Variants in TSC22D1 observed in about 807,000 individuals in gnomAD.
TSC22D1 encodes TSC22 domain family member 1.
Under a neutral mutation model 74.2 loss-of-function variants are expected in TSC22D1, and 9 were observed. The observed-to-expected ratio is 0.12, with a 90% CI of 0.07 to 0.21. The LOEUF is 0.21. Among genes scored for constraint, TSC22D1 ranks in the 10% least tolerant of loss-of-function variants. The pLI is 1.00. For synonymous variants in TSC22D1, 586 were observed against 492.5 expected (o/e 1.19, Z -2.51); for missense variants, 1,427 against 1,304.7 (o/e 1.09, Z -1.44).
rs781517442 is a variant in TSC22D1, at chr13:44,434,633, G to T, written c.3215C>A (p.Thr1072Asn). Reference protein sequence around the residue: ...AQPASQGSGPTA With the variant: ...AQPASQGSGPNA The stretch of plus-strand genomic sequence containing the variant: ...CTGCGGGGGCATAGGCAGCTATGCG[G>T]TTGGTCCTGAGCCCTGCGATGCTGG... Residue 1072 changes from threonine to asparagine, a missense_variant, in exon 3 of 3, where the codon ACC (threonine) becomes AAC (asparagine). This residue lies in a region of TSC22D1 where 63 missense variants were observed against 50.5 expected (regional missense o/e 1.25). Coordinates refer to ENST00000458659, the MANE Select transcript of TSC22D1 (RefSeq NM_183422.4). The T allele has an allele frequency of 6.5e-7, 1 of 1,536,864 alleles. No individual in the cohort carries two copies. The highest frequency in any genetic ancestry group is 2.1e-5 in the Admixed American group (1 of 47,118).
rs1034892811 is a variant in TSC22D1, at chr13:44,432,620, G to C, written c.*2006C>G. 10 of 152,048 alleles carry C rather than the reference G, an allele frequency of 6.6e-5. 1 individual carries two copies. Among genetic ancestry groups the C allele is most frequent in the African/African-American group, 2.4e-4 (10 of 41,396 alleles). The allele number at this position is 152,048 out of a possible 1,614,324, so 9.4% of individuals were successfully genotyped here. On this transcript the variant is annotated 3_prime_UTR_variant, in exon 3 of 3. Transcript: ENST00000458659. ...CACGCTATCGAACAATTCTTTTTAG[G>C]GATCTTGGATGTCCCATTCACCTCT... is the stretch of plus-strand genomic sequence containing the variant.
At chr13:44,484,930 GA>G (rs1196572719) in intron 1 of TSC22D1, among the ~76,000 whole-genome samples, 3 of 152,132 alleles carry the variant, frequency 2.0e-5, no homozygotes, top group Non-Finnish European at 4.4e-5. Context: ...TATAACTCAG[GA>G]AGTCACTTAA....
chr13:44,497,093 CACT>C (rs1421484264), intron 1 of TSC22D1, among the ~76,000 whole-genome samples: 2 of 152,108 alleles, frequency 1.3e-5, no homozygotes, highest in Admixed American at 1.3e-4. Context: ...GGTAGTAAGA[CACT>C]ACCTGTTCTA....
Position 44,573,471 on chromosome 13 carries a change from C to T in TSC22D1, c.2604G>A (p.Leu868=), listed in dbSNP as rs768100093. Residue 868 remains leucine, a synonymous_variant, in exon 1 of 3, where the codon TTG becomes TTA. Coordinates refer to ENST00000458659, the MANE Select transcript of TSC22D1 (RefSeq NM_183422.4). ...AQTPATQNGN[L]VQSVSQPPLI... is the part of the protein sequence containing the mutation. The stretch of plus-strand genomic sequence containing the variant: ...AGGGAGGTTGACTAACACTTTGAAC[C>T]AAATTACCATTTTGGGTAGCAGGGG... The T allele has an allele frequency of 1.9e-6, 3 of 1,614,184 alleles. No individual in the cohort carries two copies. The African/African-American group carries it at 4.0e-5, about 22-fold the overall frequency.
At chr13:44,563,028 C>T (rs1883147551) in intron 1 of TSC22D1, among the ~76,000 whole-genome samples, 2 of 151,518 alleles carry the variant, frequency 1.3e-5, no homozygotes, top group East Asian at 1.9e-4. Flanking sequence ...TCGATGAACC[C>T]GCGAGGGGAA....
rs777046750 is a variant in TSC22D1, at chr13:44,575,400, C to A, written c.675G>T (p.Gln225His). 6.2e-7 allele frequency: 1 copy of A among 1,613,832 alleles called. No homozygotes were observed. Among genetic ancestry groups the A allele is most frequent in the East Asian group, 2.2e-5 (1 of 44,878 alleles). The change falls in exon 1 of 3, where the codon CAG (glutamine) becomes CAT (histidine). Residue 225 changes from glutamine (Q) to histidine (H), a missense_variant. Gln to His is a conservative substitution (Grantham distance 24, BLOSUM62 0). Transcript: ENST00000458659. The part of the protein sequence containing the change: ...AHPHHLHHHH[Q>H]IHHGHHLQHG... Reference sequence around the variant, plus strand: ...GTTGGAGGTGGTGCCCATGATGAATCTGATGGTGGTGATGGAGGTGGTGTG... The same window carrying A: ...GTTGGAGGTGGTGCCCATGATGAATATGATGGTGGTGATGGAGGTGGTGTG...
At chr13:44,525,543 C>T (rs774171581) in intron 1 of TSC22D1, among the ~76,000 whole-genome samples, 2 of 152,108 alleles carry the variant, frequency 1.3e-5, no homozygotes, top group African/African-American at 4.8e-5. Context: ...AAGCCATGAT[C>T]GTGCCACTGC....
intron 1 of TSC22D1, among the ~76,000 whole-genome samples, chr13:44,517,310 C>T (rs188632215): frequency 4.0e-5 from 6 of 149,122 alleles, no homozygotes; most frequent in Admixed American, 2.0e-4. Context: ...TAGTAACCAT[C>T]GTTACCGTAA....
intron 1 of TSC22D1, among the ~76,000 whole-genome samples, chr13:44,457,015 T>C (rs1876695602): frequency 6.6e-6 from 1 of 152,232 alleles, no homozygotes; most frequent in South Asian, 2.1e-4. Context: ...ACAGAGCCTA[T>C]CAAGTACAAT....
intron 1 of TSC22D1, among the ~76,000 whole-genome samples, chr13:44,466,231 G>T (rs1036270229): frequency 6.6e-6 from 1 of 152,188 alleles, no homozygotes; most frequent in African/African-American, 2.4e-5. Flanking sequence ...AGGGGTATAG[G>T]GAGAGGGTGG....
intron 1 of TSC22D1, among the ~76,000 whole-genome samples, chr13:44,490,736 A>G (rs1166863772): frequency 6.6e-6 from 1 of 151,914 alleles, no homozygotes; most frequent in African/African-American, 2.4e-5. Flanking sequence ...CGTCTCTACT[A>G]AAAATACAAA....
intron 1 of TSC22D1, among the ~76,000 whole-genome samples, chr13:44,534,299 A>C (rs1881023145): frequency 6.7e-6 from 1 of 149,434 alleles, no homozygotes; most frequent in Non-Finnish European, 1.5e-5. Context: ...CGAGAGGATC[A>C]CTTGGTGAAC....
intron 1 of TSC22D1, among the ~76,000 whole-genome samples, chr13:44,455,220 T>C (rs1332768092): frequency 6.6e-6 from 1 of 152,186 alleles, no homozygotes; most frequent in Non-Finnish European, 1.5e-5. Context: ...AAATGAGTTT[T>C]GAGTAAAGAC....
chr13:44,574,145 G>A lies in TSC22D1; in HGVS notation c.1930C>T (p.His644Tyr). ...PMVSTQMAPGHVKSVTQNPAS... is the reference protein window; with the variant it reads ...PMVSTQMAPGYVKSVTQNPAS... ...GGATTTTGAGTCACTGATTTGACAT[G>A]GCCTGGGGCCATCTGTGTAGAAACC... The change falls in exon 1 of 3, where the codon CAT becomes TAT. Residue 644 changes from histidine (H) to tyrosine (Y), a missense_variant. His to Tyr is a moderately conservative substitution (Grantham distance 83). Transcript: ENST00000458659. 1 of 1,614,236 alleles carries A rather than the reference G, an allele frequency of 6.2e-7. No individual in the cohort carries two copies. Among genetic ancestry groups the A allele is most frequent in the Non-Finnish European group, 8.5e-7 (1 of 1,180,020 alleles).
chr13:44,553,408 T>C (rs1343455532), intron 1 of TSC22D1, among the ~76,000 whole-genome samples: 2 of 152,196 alleles, frequency 1.3e-5, no homozygotes, highest in Non-Finnish European at 2.9e-5. Flanking sequence ...TTTATAGATT[T>C]CAAAATCCAG....
At chr13:44,481,126 C>T (rs888194825) in intron 1 of TSC22D1, among the ~76,000 whole-genome samples, 28 of 152,242 alleles carry the variant, frequency 1.8e-4, no homozygotes, top group African/African-American at 6.7e-4. Flanking sequence ...GAGACTGGTG[C>T]ACTGGAGCCA....
chr13:44,532,085 T>C (rs998717237), intron 1 of TSC22D1, among the ~76,000 whole-genome samples: 1 of 152,222 alleles, frequency 6.6e-6, no homozygotes, highest in African/African-American at 2.4e-5. Context: ...TAATATACAA[T>C]TTAAAGTCAG....
intron 1 of TSC22D1, among the ~76,000 whole-genome samples, chr13:44,479,276 G>A (rs1373036246): frequency 3.3e-5 from 5 of 151,638 alleles, no homozygotes; most frequent in South Asian, 4.2e-4. Flanking sequence ...CTTTGAATGC[G>A]GCCTAACTCG....
chr13:44,576,846 G>A (rs969792415), upstream of TSC22D1, among the ~76,000 whole-genome samples: 13 of 151,448 alleles, frequency 8.6e-5, no homozygotes, highest in African/African-American at 1.7e-4. Context: ...CGGCGGCGGC[G>A]GTGGCAGCGG....
Sources: gnomAD v4.1 joint callset for allele counts (sites outside exome capture counted in the v4.1 genomes callset) on GRCh38, gnomAD v4.1.1 for gene constraint, gnomAD v4.1.1 regional missense constraint, MANE v1.5 for transcripts, NCBI Gene and HGNC (gene_info 2026-07-23, HGNC 2026-07-21) for gene names.